ERC1: variants seen among roughly 807,000 people sequenced by gnomAD.
ERC1 encodes RAB6 interacting protein 2.
A neutral mutation model predicts 132.0 loss-of-function variants in ERC1; 56 were observed. The observed-to-expected ratio is 0.42, with a 90% confidence interval of 0.34 to 0.53. The LOEUF is 0.53. ERC1 is among the 20% of genes least tolerant of loss of function. ERC1 has a pLI of 0.03. For synonymous variants in ERC1, 478 were observed against 476.1 expected, an observed-to-expected ratio of 1.00 and a Z score of -0.05; for missense variants, 1,202 against 1,349.9, an observed-to-expected ratio of 0.89 and a Z score of 1.72.
intron 2 of ERC1, among the ~76,000 whole-genome samples, chr12:1,034,025 C>T (rs1359229934): frequency 6.6e-6 from 1 of 152,116 alleles, no homozygotes; most frequent in Admixed American, 6.5e-5. Context: ...ATCAATATAA[C>T]CTAGGTCTTG....
intron 8 of ERC1, among the ~76,000 whole-genome samples, chr12:1,165,618 C>G (rs1275501260): frequency 3.9e-5 from 6 of 152,138 alleles, no homozygotes; most frequent in Non-Finnish European, 5.9e-5. Context: ...CAGGTATGAG[C>G]CACCGCGCCT....
intron 3 of ERC1, among the ~76,000 whole-genome samples, chr12:1,093,957 C>CTATATATG (rs1555236199): frequency 1.5e-5 from 1 of 68,910 alleles, no homozygotes; most frequent in East Asian, 6.3e-4. Context: ...ATATATTTTT[C>CTATATATG]TATATATATA....
chr12:1,446,042 C>G (rs1350006936), intron 18 of ERC1, among the ~76,000 whole-genome samples: 1 of 152,162 alleles, frequency 6.6e-6, no homozygotes, highest in African/African-American at 2.4e-5. Flanking sequence ...GGCCCACCTC[C>G]TAATACCATC....
chr12:1,031,861 C>G (rs1968102524), intron 2 of ERC1, among the ~76,000 whole-genome samples: 2 of 152,016 alleles, frequency 1.3e-5, no homozygotes, highest in African/African-American at 4.8e-5. Flanking sequence ...TAAATGCTGG[C>G]TCAGAAACAT....
chr12:1,266,810 T>A (rs1199842882), intron 14 of ERC1, among the ~76,000 whole-genome samples: 1 of 152,186 alleles, frequency 6.6e-6, no homozygotes, highest in Non-Finnish European at 1.5e-5. Flanking sequence ...TAAATGAGGC[T>A]TTTTTGTTTA....
chr12:1,062,444 GT>G (rs150702701), intron 2 of ERC1, among the ~76,000 whole-genome samples: 2 of 151,704 alleles, frequency 1.3e-5, no homozygotes, highest in Non-Finnish European at 2.9e-5. Flanking sequence ...TTCTATTTCG[GT>G]TTTTTTTCCA....
intron 8 of ERC1, among the ~76,000 whole-genome samples, chr12:1,172,320 C>T (rs936334354): frequency 3.9e-5 from 6 of 151,946 alleles, no homozygotes; most frequent in African/African-American, 9.7e-5. Context: ...AATTAAAAAT[C>T]GGCTGGGTGT....
intron 1 of ERC1, among the ~76,000 whole-genome samples, chr12:1,004,651 C>T (rs951228923): frequency 8.6e-5 from 13 of 151,798 alleles, no homozygotes; most frequent in Non-Finnish European, 1.6e-4. Context: ...GTGATCCAAC[C>T]GCCTTGGCCC....
At chr12:1,041,300 C>T (rs752177096) in intron 2 of ERC1, among the ~76,000 whole-genome samples, 2 of 151,800 alleles carry the variant, frequency 1.3e-5, no homozygotes, top group Non-Finnish European at 2.9e-5. Flanking sequence ...CTCCGCCTCC[C>T]GGGTTCAAGT....
intron 2 of ERC1, among the ~76,000 whole-genome samples, chr12:1,058,082 T>G (rs1973333742): frequency 6.6e-6 from 1 of 152,168 alleles, no homozygotes; most frequent in Non-Finnish European, 1.5e-5. Flanking sequence ...ATTCTGGATA[T>G]TAGTCCCTTC....
intron 15 of ERC1, among the ~76,000 whole-genome samples, chr12:1,343,964 C>T (rs1245412405): frequency 6.6e-6 from 1 of 152,100 alleles, no homozygotes; most frequent in African/African-American, 2.4e-5. Flanking sequence ...GCCTCAGTGT[C>T]CCGTGTAGCT....
chr12:1,220,350 T>C (rs1368185437), intron 12 of ERC1, among the ~76,000 whole-genome samples: 2 of 152,208 alleles, frequency 1.3e-5, no homozygotes, highest in African/African-American at 4.8e-5. Flanking sequence ...CTTCCTTAGC[T>C]GTATTTAACT....
intron 2 of ERC1, among the ~76,000 whole-genome samples, chr12:1,082,294 A>G (rs1197742472): frequency 6.7e-6 from 1 of 150,118 alleles, no homozygotes; most frequent in Non-Finnish European, 1.5e-5. Flanking sequence ...CCAAAGTGCT[A>G]GGATTACAGG....
In ERC1 at chr12:1,079,899, T is replaced by C. The variant is rs1292509660; in HGVS notation, c.670-3265T>C. 8.6e-5 allele frequency among the ~76,000 whole-genome samples: 13 copies of C among 152,012 alleles called. No individual in the cohort carries two copies. In the East Asian group the frequency reaches 2.3e-3, roughly 27 times the overall value. Reference sequence around the variant, plus strand: ...GAAATGATTTGTAATATGACAAAAGTTGATATACAAAGATACATATAGAAA... The same window carrying C: ...GAAATGATTTGTAATATGACAAAAGCTGATATACAAAGATACATATAGAAA... On this transcript the variant is annotated intron_variant, in intron 2 of 18. Coordinates refer to ENST00000360905, the MANE Select transcript of ERC1 (RefSeq NM_178040.4).
At chr12:1,488,441 C>T (rs936310847) in intron 18 of ERC1, among the ~76,000 whole-genome samples, 24 of 152,148 alleles carry the variant, frequency 1.6e-4, no homozygotes, top group African/African-American at 5.6e-4. Context: ...ACTGTAAGCA[C>T]TTTGGGAGGC....
intron 15 of ERC1, among the ~76,000 whole-genome samples, chr12:1,304,852 T>C (rs138265205): frequency 0.025 from 3,312 of 134,432 alleles, 88 homozygotes; most frequent in African/African-American, 0.059. Context: ...TACAGTGGCG[T>C]GATCTCGGCT....
chr12:1,252,981 T>A (rs944102013), intron 13 of ERC1, among the ~76,000 whole-genome samples: 1 of 152,204 alleles, frequency 6.6e-6, no homozygotes, highest in African/African-American at 2.4e-5. Context: ...ACTGTCTCTT[T>A]ACGTTAAGGA....
At chr12:1,029,371 T>A (rs979013676) in intron 2 of ERC1, among the ~76,000 whole-genome samples, 1 of 152,128 alleles carries the variant, frequency 6.6e-6, no homozygotes, top group African/African-American at 2.4e-5. Context: ...TTAATGTTGA[T>A]GATGTATTTA....
At chr12:1,190,136 A>C (rs1401995669) in intron 12 of ERC1, 84 bp downstream of exon 12, 27 of 1,200,030 alleles carry the variant, frequency 2.2e-5, no homozygotes, top group Non-Finnish European at 3.4e-5. Flanking sequence ...TTTTCAGTGT[A>C]TCTAACTCTG....
Sources: gnomAD v4.1 joint callset for allele counts (sites outside exome capture counted in the v4.1 genomes callset) on GRCh38, gnomAD v4.1.1 for gene constraint, MANE v1.5 for transcripts, NCBI Gene and HGNC (gene_info 2026-07-23, HGNC 2026-07-21) for gene names.